Variants in MYOM1 observed in about 807,000 individuals in gnomAD.
MYOM1 encodes the protein myomesin-1.
Under a neutral mutation model 205.3 loss-of-function variants are expected in MYOM1, and 164 were observed. That is an observed-to-expected ratio of 0.80 (90% CI 0.70 to 0.91). The LOEUF is 0.91. Ranked by LOEUF, MYOM1 falls within the 40% of genes least tolerant of loss-of-function variation. The pLI, the probability that MYOM1 is intolerant of heterozygous loss-of-function variation, is 0.00. For missense variants in MYOM1, 2,011 were observed against 2,127.3 expected (o/e 0.95, Z 1.08); for synonymous variants, 772 against 789.4 (o/e 0.98, Z 0.37).
At chr18:3,247,155 A>T in the MYOM1 span, 1 of 152,284 alleles carries the variant, frequency 6.6e-6, no homozygotes, top group Non-Finnish European at 1.5e-5. Context: ...GTCTCCAGCC[A>T]CTTGTGACCT....
chr18:3,087,946 G>A (rs2079174346), intron 29 of MYOM1, among the ~76,000 whole-genome samples: 1 of 152,188 alleles, frequency 6.6e-6, no homozygotes, highest in South Asian at 2.1e-4. Flanking sequence ...CCACAGTAAC[G>A]GAACAAAGAG....
In MYOM1 at chr18:3,083,875, C is replaced by T; in HGVS notation, c.4398G>A (p.Leu1466=). 1 of 1,582,168 alleles carries T rather than the reference C, an allele frequency of 6.3e-7. No homozygotes were observed. Among genetic ancestry groups the T allele is most frequent in the Non-Finnish European group, 8.6e-7 (1 of 1,162,660 alleles). The change falls in exon 33 of 38, where the codon CTG becomes CTA. Residue 1466 remains leucine (L), a synonymous_variant. Coordinates refer to ENST00000356443, the MANE Select transcript of MYOM1 (RefSeq NM_003803.4). ...CKKIALSATD[L]KIQSTAEGIQ... is the part of the protein sequence containing the mutation. ...TGCCCTCGGCTGTGCTCTGGATTTT[C>T]AGGTCTGTAGCAGACAAAGCTGAAA...
At chr18:3,093,666 T>C (rs1309308088) in intron 26 of MYOM1, 1 of 152,216 alleles carries the variant, frequency 6.6e-6, no homozygotes, top group African/African-American at 2.4e-5. Flanking sequence ...GCCGTAAGAA[T>C]GTGTGATTAG....
rs373258972 is a variant in MYOM1 at position 3,215,122 on chromosome 18, T to A, written c.102A>T (p.Lys34Asn). The change falls in exon 2 of 38, where the codon AAA (lysine) becomes AAT (asparagine). Residue 34 changes from lysine to asparagine, a missense_variant. Lys to Asn is a moderately conservative substitution (Grantham distance 94). Transcript: ENST00000356443. ...STVSHYQREK[K>N]RSAVYTQGST... ...AGCCCTGGGTGTAGACGGCGGAGCGTTTCTTCTCCCGCTGGTAGTGACTCA... is the reference window on the plus strand; with the variant it reads ...AGCCCTGGGTGTAGACGGCGGAGCGATTCTTCTCCCGCTGGTAGTGACTCA... 1 of 1,613,790 alleles carries A rather than the reference T, an allele frequency of 6.2e-7. No homozygotes were observed. Among genetic ancestry groups the A allele is most frequent in the Admixed American group, 1.7e-5 (1 of 60,018 alleles).
chr18:3,175,675 T>C (rs895231709), intron 6 of MYOM1, among the ~76,000 whole-genome samples: 2 of 152,208 alleles, frequency 1.3e-5, no homozygotes, highest in South Asian at 2.1e-4. Context: ...GATGATGATA[T>C]TGATTTGGGA....
At chr18:3,094,110 A>C in intron 26 of MYOM1, 60 bp downstream of exon 26, 5 of 1,558,106 alleles carry the variant, frequency 3.2e-6, no homozygotes, top group Non-Finnish European at 4.4e-6. Flanking sequence ...CATCCACATA[A>C]GGCTTCCTCA....
chr18:3,238,629 G>A, the MYOM1 span, among the ~76,000 whole-genome samples: 1 of 152,174 alleles, frequency 6.6e-6, no homozygotes, highest in African/African-American at 2.4e-5. Context: ...TATTGCTGCT[G>A]TAACAAATTA....
intron 5 of MYOM1, among the ~76,000 whole-genome samples, chr18:3,180,649 C>A (rs1436458566): frequency 6.6e-6 from 1 of 152,110 alleles, no homozygotes; most frequent in East Asian, 1.9e-4. Context: ...TTTCTTAAAT[C>A]CCTGTGAATA....
chr18:3,144,527 GCAAAGATTAC>G (rs2080097676), intron 13 of MYOM1, among the ~76,000 whole-genome samples: 1 of 152,034 alleles, frequency 6.6e-6, no homozygotes, highest in South Asian at 2.1e-4. Context: ...CAATTAAAAG[GCAAAGATTAC>G]CAATTTAGAT....
intron 14 of MYOM1, among the ~76,000 whole-genome samples, chr18:3,137,215 C>T (rs991332308): frequency 6.6e-6 from 1 of 152,192 alleles, no homozygotes; most frequent in Non-Finnish European, 1.5e-5. Flanking sequence ...TCCCAAAGTG[C>T]TGGGATTACA....
In MYOM1 at chr18:3,085,029, C is replaced by A; in HGVS notation, c.4339+16G>T. ...CAGAAACACACAAGACAGACCCCAG[C>A]AGTTGGTGGACTGACCTTCATCCAC... On this transcript the variant is annotated intron_variant, in intron 31 of 37. Transcript: ENST00000356443. 2.5e-6 allele frequency: 4 copies of A among 1,582,252 alleles called. No individual in the cohort carries two copies. Among genetic ancestry groups the A allele is most frequent in the Non-Finnish European group, 3.5e-6 (4 of 1,159,338 alleles).
chr18:3,168,688 A>G (rs1322857784), intron 9 of MYOM1, 129 bp downstream of exon 9: 2 of 868,506 alleles, frequency 2.3e-6, no homozygotes, highest in Middle Eastern at 2.9e-4. Context: ...ACACATGTGA[A>G]AACCTTTTAA....
At chr18:3,114,544 A>AT (rs5822738) in intron 21 of MYOM1, among the ~76,000 whole-genome samples, 40,932 of 88,150 alleles carry the variant, frequency 0.46, 9,915 homozygotes, top group Non-Finnish European at 0.52. Flanking sequence ...TGGTCAGCTA[A>AT]TTTTTTTTTT....
At chr18:3,140,319 A>G (rs768038539) in intron 14 of MYOM1, among the ~76,000 whole-genome samples, 3 of 152,014 alleles carry the variant, frequency 2.0e-5, no homozygotes, top group Non-Finnish European at 4.4e-5. Context: ...AGGCAGGAGA[A>G]TTGCTTAAAC....
chr18:3,103,271 G>A (rs779021809), intron 22 of MYOM1, among the ~76,000 whole-genome samples: 6 of 152,234 alleles, frequency 3.9e-5, no homozygotes, highest in Admixed American at 3.9e-4. Flanking sequence ...CTAGATTAGA[G>A]TGATAGCAAC....
intron 13 of MYOM1, among the ~76,000 whole-genome samples, chr18:3,148,863 A>AG (rs2080174696): frequency 2.7e-5 from 4 of 150,720 alleles, no homozygotes; most frequent in African/African-American, 7.3e-5. Flanking sequence ...AAAAAAAAAA[A>AG]AAAAAAAAAG....
chr18:3,176,917 T>C (rs1222987113), intron 5 of MYOM1, among the ~76,000 whole-genome samples: 1 of 151,206 alleles, frequency 6.6e-6, no homozygotes, highest in Admixed American at 6.6e-5. Flanking sequence ...ATATGCACAC[T>C]TTTTGTGTGC....
chr18:3,225,942 C>A, the MYOM1 span, among the ~76,000 whole-genome samples: 1 of 152,202 alleles, frequency 6.6e-6, no homozygotes, highest in African/African-American at 2.4e-5. Context: ...TTTCATCATT[C>A]ACCAGTGATT....
At chr18:3,128,953 G>GT (rs1285310281) in intron 18 of MYOM1, among the ~76,000 whole-genome samples, 1 of 152,150 alleles carries the variant, frequency 6.6e-6, no homozygotes, top group African/African-American at 2.4e-5. Context: ...GGCCAGAGGT[G>GT]TATCTGCCTG....
Sources: allele counts gnomAD v4.1 joint callset (sites outside exome capture counted in the v4.1 genomes callset), GRCh38; gene constraint gnomAD v4.1.1; transcripts MANE v1.5; gene names NCBI Gene and HGNC (gene_info 2026-07-23, HGNC 2026-07-21).